POLM: variants seen among roughly 807,000 people sequenced by gnomAD.
POLM encodes the protein DNA-directed DNA/RNA polymerase mu.
POLM carries 52 observed loss-of-function variants against 56.7 expected under a neutral mutation model. That is an observed-to-expected ratio of 0.92 (90% CI 0.73 to 1.15). POLM has a LOEUF of 1.15. Ranked by LOEUF, POLM falls within the 50% of genes most tolerant of loss-of-function variation. The pLI, the probability that POLM is intolerant of heterozygous loss-of-function variation, is 0.00. For missense variants in POLM, 660 were observed against 663.6 expected, an observed-to-expected ratio of 0.99 and a Z score of 0.06; for synonymous variants, 273 against 274.3, an observed-to-expected ratio of 1.00 and a Z score of 0.05.
In POLM at chr7:44,080,847, C is replaced by G. The variant is rs761091768; in HGVS notation, c.258G>C (p.Arg86Ser). 4.3e-6 allele frequency: 7 copies of G among 1,610,498 alleles called. No homozygotes were observed. In the African/African-American group the frequency reaches 9.4e-5, roughly 22 times the overall value. Residue 86 changes from arginine (R) to serine (S), a missense_variant, in exon 2 of 11, where the codon AGG becomes AGC. Physicochemically the swap from Arg to Ser is moderately radical, Grantham distance 110 (BLOSUM62 -1). Coordinates refer to ENST00000242248, the MANE Select transcript of POLM (RefSeq NM_013284.4). ...AEEAVSWQERRMAAAPPGCTP... is the reference protein window; with the variant it reads ...AEEAVSWQERSMAAAPPGCTP... ...TGCAACCCGGGGGAGCAGCTGCCATCCTGCGCTCCTGCCAGCTGACGGCCT... is the reference window on the plus strand; with the variant it reads ...TGCAACCCGGGGGAGCAGCTGCCATGCTGCGCTCCTGCCAGCTGACGGCCT...
In POLM at chr7:44,073,852, C is replaced by T. The variant is rs757030821; in HGVS notation, c.1245G>A (p.Val415=). ...CGGGTGCAACTACCAAGTCCACTCT[C>T]ACGGCCTTCCAGGATGGGCAGGGCC... ...STRPCPSWKA[V]RVDLVVAPVS... Residue 415 remains valine, a synonymous_variant, in exon 9 of 11, where the codon GTG becomes GTA. Coordinates refer to ENST00000242248, the MANE Select transcript of POLM (RefSeq NM_013284.4). The T allele has an allele frequency of 3.7e-5, 60 of 1,614,158 alleles. No individual in the cohort carries two copies. The highest frequency in any genetic ancestry group is 3.3e-4 in the Middle Eastern group (2 of 6,084).
Position 44,076,536 on chromosome 7 carries a change from G to A in POLM, c.808C>T (p.Gln270Ter), listed in dbSNP as rs1220621486. The A allele has an allele frequency of 1.9e-6, 3 of 1,613,962 alleles. No individual in the cohort carries two copies. The highest frequency in any genetic ancestry group is 4.5e-5 in the East Asian group (2 of 44,882). Reference sequence around the variant, plus strand: ...GCTTTCTGCTGTTGGGTTAGTTTCTGGGGCTGCTCTCGGAGGTCATCTAAG... The same window carrying A: ...GCTTTCTGCTGTTGGGTTAGTTTCTAGGGCTGCTCTCGGAGGTCATCTAAG... ...RTLDDLREQPQKLTQQQKAGL... is the reference protein window; with the variant it reads ...RTLDDLREQP Residue 270 changes from glutamine to a stop codon, truncating the protein, a stop_gained, in exon 6 of 11, where the codon CAG becomes TAG. Transcript: ENST00000242248. LOFTEE classifies it high-confidence loss of function.
At chr7:44,081,744 CTTTT>C (rs1183469734) in intron 1 of POLM, among the ~76,000 whole-genome samples, 5 of 125,404 alleles carry the variant, frequency 4.0e-5, no homozygotes, top group Non-Finnish European at 6.5e-5. Context: ...GCAAATACGA[CTTTT>C]TTTTTTTTTT....
At chr7:44,076,759 C>A in intron 5 of POLM, 130 bp from the exon 6 acceptor site, 1 of 1,152,448 alleles carries the variant, frequency 8.7e-7, no homozygotes, top group Non-Finnish European at 1.2e-6. Context: ...TCGCAACCTG[C>A]CGTAGACCAC....
chr7:44,082,284 C>A lies in POLM; in HGVS notation c.155G>T (p.Arg52Leu), dbSNP rs757100319. ...GTCAAGGACGCGGAAGCCTTTGGAG[C>A]GCGCCAGGCCTGTGAGGAAGGCCCG... ...SRRAFLTGLA[R>L]SKGFRVLDAC... Residue 52 changes from arginine to leucine, a missense_variant, in exon 1 of 11, where the codon CGC becomes CTC. By Grantham distance (102) the Arg-to-Leu change is moderately radical. Transcript: ENST00000242248. The A allele has an allele frequency of 1.3e-6, 2 of 1,529,190 alleles. No individual in the cohort carries two copies. The allele number at this position is 1,529,190 out of a possible 1,614,324, so 94.7% of individuals were successfully genotyped here.
rs368717333 is a variant in POLM at position 44,073,360 on chromosome 7, C to T, written c.1416G>A (p.Ala472=). The change falls in exon 11 of 11, where the codon GCG becomes GCA. Residue 472 remains alanine, a synonymous_variant. Coordinates refer to ENST00000242248, the MANE Select transcript of POLM (RefSeq NM_013284.4). ...GTCTGAAGATGTCTTCCTCTGAAGC[C>T]GCTTGGAAAAATGTCTTCTGCAACA... ...FDPEQKTFFQ[A]ASEEDIFRHL... 3.7e-5 allele frequency: 59 copies of T among 1,613,734 alleles called. No homozygotes were observed. The highest frequency in any genetic ancestry group is 3.3e-4 in the Middle Eastern group (2 of 6,076).
intron 5 of POLM, chr7:44,078,487 G>T (rs2096189902): frequency 2.0e-6 from 1 of 511,614 alleles, no homozygotes; most frequent in Admixed American, 3.6e-5. Context: ...AAAACAAAAA[G>T]CCCCAAAAGC....
At chr7:44,074,615 C>T (rs1041482942) in intron 6 of POLM, 85 bp from the exon 7 acceptor site, 6 of 1,437,894 alleles carry the variant, frequency 4.2e-6, no homozygotes. Flanking sequence ...GGTGATCAAC[C>T]TGGGGCCCCG....
At position 44,074,465 on chromosome 7, in the gene POLM, C is replaced by T. The variant is rs112469689; in HGVS notation, c.901G>A (p.Val301Met). 1.3e-4 allele frequency: 207 copies of T among 1,591,582 alleles called. No individual in the cohort carries two copies. In the African/African-American group the frequency reaches 2.3e-3, roughly 18 times the overall value. ...LRSDVDALQQ[V>M]VEEAVGQALP... ...GCCTGCCCCACAGCTTCCTCCACCA[C>T]CTGCTGCAGGGCATCTACATCGGAC... is the stretch of plus-strand genomic sequence containing the variant. Residue 301 changes from valine (V) to methionine (M), a missense_variant, in exon 7 of 11, where the codon GTG becomes ATG. Coordinates refer to ENST00000242248, the MANE Select transcript of POLM (RefSeq NM_013284.4).
intron 1 of POLM, 120 bp from the exon 2 acceptor site, chr7:44,081,036 G>A (rs1188899083): frequency 2.9e-5 from 23 of 789,230 alleles, no homozygotes; most frequent in Admixed American, 2.5e-4. Context: ...TCCTGCAAAC[G>A]TCACCTCCTC....
At chr7:44,079,548 CTG>C in intron 4 of POLM, 21 bp downstream of exon 4, 1 of 1,603,628 alleles carries the variant, frequency 6.2e-7, no homozygotes, top group Non-Finnish European at 8.5e-7. Flanking sequence ...CCCACTCACC[CTG>C]CTAGGATGGT....
At chr7:44,073,463 G>T in intron 10 of POLM, 86 bp from the exon 11 acceptor site, 2 of 1,579,996 alleles carry the variant, frequency 1.3e-6, no homozygotes, top group Non-Finnish European at 1.7e-6. Context: ...GAAGAGCCCA[G>T]CGCCGAGGTG....
chr7:44,081,815 G>A (rs1051132525), intron 1 of POLM, among the ~76,000 whole-genome samples: 1 of 145,864 alleles, frequency 6.9e-6, no homozygotes, highest in African/African-American at 2.6e-5. Context: ...GCGCGATCTC[G>A]GCTCACTGCA....
At chr7:44,075,488 T>C (rs2096180951) in intron 6 of POLM, among the ~76,000 whole-genome samples, 1 of 151,870 alleles carries the variant, frequency 6.6e-6, no homozygotes, top group African/African-American at 2.4e-5. Flanking sequence ...TCTCACCTCC[T>C]GTCAGCTGAA....
In POLM at chr7:44,078,445, G is replaced by A. The variant is rs112824008; in HGVS notation, c.714+295C>T. On this transcript the variant is annotated intron_variant, in intron 5 of 10. Coordinates refer to ENST00000242248, the MANE Select transcript of POLM (RefSeq NM_013284.4). ...CGCACCACTGTACTCCAGCCTGGGCGACAGAGCGAGACCCTGTCTCAAAAA... is the reference window on the plus strand; with the variant it reads ...CGCACCACTGTACTCCAGCCTGGGCAACAGAGCGAGACCCTGTCTCAAAAA... The A allele has an allele frequency of 1.6e-4, 60 of 378,230 alleles. 2 individuals are homozygous for A. Among genetic ancestry groups the A allele is most frequent in the African/African-American group, 8.6e-4 (42 of 48,652 alleles). 23.4% of individuals were successfully genotyped at this position (378,230 alleles called of 1,614,324 possible). A position where few individuals can be genotyped will look rare whatever the true frequency, so the allele number is the denominator to read the frequency against.
Position 44,073,872 on chromosome 7 carries a change from A to T in POLM, c.1225T>A (p.Cys409Ser). ...ACTCTCACGGCCTTCCAGGATGGGC[A>T]GGGCCTCGTGGATCCCCCCACAGCA... Reference protein sequence around the residue: ...GAAVGGSTRPCPSWKAVRVDL... With the variant: ...GAAVGGSTRPSPSWKAVRVDL... Residue 409 changes from cysteine to serine, a missense_variant, in exon 9 of 11, where the codon TGC becomes AGC. Transcript: ENST00000242248. 3.1e-6 allele frequency: 5 copies of T among 1,614,222 alleles called. No individual in the cohort carries two copies. Among genetic ancestry groups the T allele is most frequent in the Non-Finnish European group, 4.2e-6 (5 of 1,180,018 alleles).
At chr7:44,078,482 A>G (rs755858832) in intron 5 of POLM, 1 of 505,170 alleles carries the variant, frequency 2.0e-6, no homozygotes, top group Non-Finnish European at 3.6e-6. Flanking sequence ...AAAATAAAAC[A>G]AAAAGCCCCA....
chr7:44,076,784 A>G (rs1024906922), intron 5 of POLM, 155 bp from the exon 6 acceptor site: 3 of 902,006 alleles, frequency 3.3e-6, no homozygotes, highest in Admixed American at 2.7e-5. Context: ...CAAGGATTCA[A>G]ACCTGGAGCC....
chr7:44,079,623 C>T lies in POLM; in HGVS notation c.590G>A (p.Ser197Asn), dbSNP rs910768388. 1.4e-5 allele frequency: 22 copies of T among 1,612,094 alleles called. No individual in the cohort carries two copies. The highest frequency in any genetic ancestry group is 1.9e-5 in the Non-Finnish European group (22 of 1,179,232). ...KALPSPVTTL[S>N]QLQGLPHFGE... Reference sequence around the variant, plus strand: ...AAAGTGGGGAAGCCCCTGCAGCTGGCTCAGGGTTGTGACAGGGCTGGGAAG... The same window carrying T: ...AAAGTGGGGAAGCCCCTGCAGCTGGTTCAGGGTTGTGACAGGGCTGGGAAG... Residue 197 changes from serine (S) to asparagine (N), a missense_variant, in exon 4 of 11, where the codon AGC (serine) becomes AAC (asparagine). Transcript: ENST00000242248.
Sources: allele counts gnomAD v4.1 joint callset (sites outside exome capture counted in the v4.1 genomes callset), GRCh38; gene constraint gnomAD v4.1.1; transcripts MANE v1.5; gene names NCBI Gene and HGNC (gene_info 2026-07-23, HGNC 2026-07-21).